The following CNKSR3 variants were observed in gnomAD, a reference collection of about 807,000 sequenced individuals.
CNKSR3 encodes connector enhancer of kinase suppressor of ras 3.
CNKSR3 carries 36 observed loss-of-function variants against 67.7 expected under a neutral mutation model. That is an observed-to-expected ratio of 0.53 (90% CI 0.41 to 0.70). The LOEUF (loss-of-function observed/expected upper bound fraction) is 0.70, where lower values mean the gene tolerates loss of function less well. Among genes scored for constraint, CNKSR3 ranks in the 30% least tolerant of loss-of-function variants. The probability of loss-of-function intolerance (pLI) is 0.00; values close to 1 mark genes in which losing one functional copy is unlikely to be tolerated. For synonymous variants in CNKSR3, 281 were observed against 271.4 expected (o/e 1.04, Z -0.35); for missense variants, 630 against 695.2 (o/e 0.91, Z 1.05).
In CNKSR3 at chr6:154,436,847, G is replaced by A. The variant is rs115532130; in HGVS notation, c.508-3340C>T. On this transcript the variant is annotated intron_variant, in intron 4 of 12. Coordinates refer to ENST00000607772, the MANE Select transcript of CNKSR3 (RefSeq NM_173515.4). ...ACACTGAACGGGAAGATCTATCCTT[G>A]TACTTGGTGTAGGACTACAGCTGAA... Among the ~76,000 whole-genome samples the A allele has an allele frequency of 1.0e-3, 154 of 152,222 alleles. 1 individual carries two copies. The highest frequency in any genetic ancestry group is 3.6e-3 in the African/African-American group (149 of 41,510).
chr6:154,450,498 T>C (rs1310959634), intron 1 of CNKSR3, among the ~76,000 whole-genome samples: 1 of 152,216 alleles, frequency 6.6e-6, no homozygotes, highest in Non-Finnish European at 1.5e-5. Flanking sequence ...ACCTTCTCAT[T>C]CCCTGTAAAC....
At chr6:154,492,811 C>T (rs1240246593) in intron 1 of CNKSR3, among the ~76,000 whole-genome samples, 1 of 151,880 alleles carries the variant, frequency 6.6e-6, no homozygotes, top group African/African-American at 2.4e-5. Context: ...GCTTCTCCCA[C>T]CTCTCAGGAG....
At chr6:154,441,260 A>AGG in intron 4 of CNKSR3, 32 bp downstream of exon 4, 1 of 1,259,116 alleles carries the variant, frequency 7.9e-7, no homozygotes, top group Non-Finnish European at 1.1e-6. Context: ...AAAAAAAAAA[A>AGG]AAAAAGAAAG....
intron 1 of CNKSR3, among the ~76,000 whole-genome samples, chr6:154,503,621 C>A (rs1166841074): frequency 1.4e-5 from 2 of 142,686 alleles, no homozygotes; most frequent in African/African-American, 5.3e-5. Flanking sequence ...GGCAAGAGAG[C>A]AAGACCCTGC....
chr6:154,510,228 G>T lies in CNKSR3; in HGVS notation c.-114C>A. The T allele has an allele frequency of 7.8e-7, 1 of 1,274,436 alleles. No homozygotes were observed. The highest frequency in any genetic ancestry group is 1.1e-6 in the Non-Finnish European group (1 of 889,992). 78.9% of individuals were successfully genotyped at this position (1,274,436 alleles called of 1,614,324 possible). A position where few individuals can be genotyped will look rare whatever the true frequency, so the allele number is the denominator to read the frequency against. ...CCCGCGGCTGCTCCCCTGCGCCCGA[G>T]CGACTCCGTCAAGACTGCATGGCCG... is the stretch of plus-strand genomic sequence containing the variant. On this transcript the variant is annotated 5_prime_UTR_variant, in exon 1 of 13. Coordinates refer to ENST00000607772, the MANE Select transcript of CNKSR3 (RefSeq NM_173515.4).
At chr6:154,409,052 A>G (rs142130606) in intron 12 of CNKSR3, among the ~76,000 whole-genome samples, 27 of 152,326 alleles carry the variant, frequency 1.8e-4, no homozygotes, top group African/African-American at 5.3e-4. Flanking sequence ...TGACTGCTCC[A>G]TGGATACTCA....
chr6:154,442,457 C>T (rs988056477), intron 2 of CNKSR3, among the ~76,000 whole-genome samples, 167 bp from the exon 3 acceptor site: 2 of 152,100 alleles, frequency 1.3e-5, no homozygotes, highest in East Asian at 1.9e-4. Flanking sequence ...CCCGTCTCTA[C>T]TAAAAACACA....
chr6:154,431,073 T>A (rs1584076004), intron 5 of CNKSR3, among the ~76,000 whole-genome samples: 1 of 151,908 alleles, frequency 6.6e-6, no homozygotes, highest in Non-Finnish European at 1.5e-5. Flanking sequence ...TTCCCATATA[T>A]CCCCTCCACC....
At chr6:154,445,503 TG>T (rs1302375276) in intron 2 of CNKSR3, among the ~76,000 whole-genome samples, 1 of 152,230 alleles carries the variant, frequency 6.6e-6, no homozygotes, top group Non-Finnish European at 1.5e-5. Context: ...TCACTCAGCC[TG>T]CCAACTTACA....
rs144876881 is a variant in CNKSR3 at position 154,482,644 on chromosome 6, A to G, written c.52+27419T>C. ...TGATTATGTGCAAATAAGAATAAAC[A>G]TGTATGCAAATGTCTAGGAAGGGTT... On this transcript the variant is annotated intron_variant, in intron 1 of 12. Coordinates refer to ENST00000607772, the MANE Select transcript of CNKSR3 (RefSeq NM_173515.4). Among the ~76,000 whole-genome samples the G allele has an allele frequency of 8.1e-3, 1,235 of 152,314 alleles. 10 individuals carry two copies. The highest frequency in any genetic ancestry group is 0.017 in the Admixed American group (262 of 15,296).
intron 1 of CNKSR3, among the ~76,000 whole-genome samples, chr6:154,509,315 A>AC (rs1787165618): frequency 2.4e-5 from 1 of 41,000 alleles, no homozygotes; most frequent in Non-Finnish European, 5.3e-5. Flanking sequence ...CCACCCCCCC[A>AC]CCGCCCCAGC....
intron 1 of CNKSR3, among the ~76,000 whole-genome samples, chr6:154,505,549 G>A (rs937327053): frequency 7.4e-5 from 11 of 149,066 alleles, no homozygotes; most frequent in African/African-American, 2.5e-4. Flanking sequence ...CTAGGCTGGA[G>A]TGCAGTGGCA....
In CNKSR3 at chr6:154,422,609, T is replaced by C. The variant is rs1562325121; in HGVS notation, c.842A>G (p.Asn281Ser). 1.9e-6 allele frequency: 3 copies of C among 1,613,782 alleles called. No homozygotes were observed. The South Asian group carries it at 3.3e-5, about 18-fold the overall frequency. Residue 281 changes from asparagine (N) to serine (S), a missense_variant, in exon 9 of 13, where the codon AAT becomes AGT. Around this residue, in one of 3 missense-constraint regions of CNKSR3, gnomAD observed 133 missense variants for 190.6 expected, o/e 0.70. Coordinates refer to ENST00000607772, the MANE Select transcript of CNKSR3 (RefSeq NM_173515.4). ...AAGCAGTAACACAACTCCGGTGGGA[T>C]TCTCTCTCAATTTCTTCACCAGATT... ...LKNLVKKLRENPTGVVLLLKK... is the reference protein window; with the variant it reads ...LKNLVKKLRESPTGVVLLLKK...
At chr6:154,424,025 G>A (rs1785201916) in intron 7 of CNKSR3, among the ~76,000 whole-genome samples, 1 of 152,212 alleles carries the variant, frequency 6.6e-6, no homozygotes, top group Admixed American at 6.5e-5. Flanking sequence ...GAGGTCAGGA[G>A]ATCGAGACCA....
intron 1 of CNKSR3, among the ~76,000 whole-genome samples, chr6:154,479,328 C>G (rs79278380): frequency 1.3e-5 from 2 of 152,062 alleles, no homozygotes; most frequent in Non-Finnish European, 2.9e-5. Context: ...CCTCCCATGT[C>G]GGTGGAAGGG....
intron 1 of CNKSR3, among the ~76,000 whole-genome samples, chr6:154,489,455 C>T (rs898405455): frequency 1.6e-4 from 25 of 151,928 alleles, no homozygotes; most frequent in Non-Finnish European, 2.8e-4. Flanking sequence ...CGCTTGAACC[C>T]GGGAGGTGGA....
intron 10 of CNKSR3, among the ~76,000 whole-genome samples, chr6:154,411,580 G>A (rs913931504): frequency 6.7e-6 from 1 of 148,166 alleles, no homozygotes; most frequent in Non-Finnish European, 1.5e-5. Context: ...GTTACAGTGA[G>A]CTGAGATCAT....
chr6:154,484,186 C>T (rs1217261299), intron 1 of CNKSR3, among the ~76,000 whole-genome samples: 2 of 152,030 alleles, frequency 1.3e-5, no homozygotes, highest in Admixed American at 6.5e-5. Context: ...ACTGAATGAT[C>T]GAAGGTCATT....
chr6:154,451,397 TAACACAAAGAGTG>T (rs1785822925), intron 1 of CNKSR3, among the ~76,000 whole-genome samples: 1 of 152,342 alleles, frequency 6.6e-6, no homozygotes, highest in South Asian at 2.1e-4. Context: ...AACTCAATCC[TAACACAAAGAGTG>T]AACACTCAAT....
Sources: gnomAD v4.1 joint callset for allele counts (sites outside exome capture counted in the v4.1 genomes callset) on GRCh38, gnomAD v4.1.1 for gene constraint, gnomAD v4.1.1 regional missense constraint, MANE v1.5 for transcripts, NCBI Gene and HGNC (gene_info 2026-07-23, HGNC 2026-07-21) for gene names.